PLPP3: variants seen among roughly 807,000 people sequenced by gnomAD.
The protein encoded by PLPP3 is phospholipid phosphatase 3.
Under a neutral mutation model 29.6 loss-of-function variants are expected in PLPP3, and 6 were observed. That is an observed-to-expected ratio of 0.20 (90% CI 0.11 to 0.40). The LOEUF (loss-of-function observed/expected upper bound fraction) is 0.40, where lower values mean the gene tolerates loss of function less well. Ranked by LOEUF, PLPP3 falls within the 10% of genes least tolerant of loss-of-function variation. PLPP3 has a pLI of 1.00. For missense variants in PLPP3, 308 were observed against 407.7 expected (o/e 0.76, Z 2.11); for synonymous variants, 152 against 159.7 (o/e 0.95, Z 0.36).
At chr1:56,557,011 AGAGAGAGAGAGAG>A (rs1557513518) in intron 1 of PLPP3, among the ~76,000 whole-genome samples, 22 of 15,968 alleles carry the variant, frequency 1.4e-3, no homozygotes, top group East Asian at 6.2e-3. Flanking sequence ...AGAAAGAAAG[AGAGAGAGAGAGAG>A]AAAGAGAGAG....
chr1:56,550,354 C>G (rs1214601548), intron 1 of PLPP3, among the ~76,000 whole-genome samples: 3 of 152,160 alleles, frequency 2.0e-5, no homozygotes, highest in Non-Finnish European at 4.4e-5. Flanking sequence ...CCAGAACTCT[C>G]CAGGAAGCCA....
intron 2 of PLPP3, among the ~76,000 whole-genome samples, chr1:56,536,445 GTTGA>G (rs1645927415): frequency 1.3e-5 from 2 of 152,254 alleles, no homozygotes; most frequent in South Asian, 2.1e-4. Flanking sequence ...AATTCAAGCT[GTTGA>G]TTGTGTGCCT....
chr1:56,519,860 C>T (rs1346171576), intron 4 of PLPP3, among the ~76,000 whole-genome samples: 1 of 151,854 alleles, frequency 6.6e-6, no homozygotes, highest in Non-Finnish European at 1.5e-5. Context: ...CCAAGCTCAT[C>T]ATTTGGCAAA....
At chr1:56,505,489 A>G (rs1190458692) in intron 5 of PLPP3, among the ~76,000 whole-genome samples, 1 of 152,160 alleles carries the variant, frequency 6.6e-6, no homozygotes, top group African/African-American at 2.4e-5. Flanking sequence ...ACTTAAACAC[A>G]AATTTTCTTC....
intron 1 of PLPP3, among the ~76,000 whole-genome samples, chr1:56,565,052 A>T (rs1646152239): frequency 6.6e-6 from 1 of 152,230 alleles, no homozygotes; most frequent in Admixed American, 6.5e-5. Flanking sequence ...GAAATAATGG[A>T]TTAAGCCATT....
At chr1:56,567,413 TTTGAGATG>T (rs1185233811) in intron 1 of PLPP3, among the ~76,000 whole-genome samples, 9 of 110,576 alleles carry the variant, frequency 8.1e-5, no homozygotes, top group Admixed American at 8.4e-5. Flanking sequence ...TTTTTTTTTT[TTTGAGATG>T]GAGTCTCGCT....
chr1:56,569,335 G>T (rs924265650), intron 1 of PLPP3, among the ~76,000 whole-genome samples: 1 of 151,872 alleles, frequency 6.6e-6, no homozygotes, highest in African/African-American at 2.4e-5. Flanking sequence ...ACCACACCTG[G>T]CTAATTTTTT....
At chr1:56,554,688 G>C (rs574884136) in intron 1 of PLPP3, among the ~76,000 whole-genome samples, 1 of 152,128 alleles carries the variant, frequency 6.6e-6, no homozygotes, top group Non-Finnish European at 1.5e-5. Flanking sequence ...AAGATGACTA[G>C]GGTAGCTCTT....
intron 1 of PLPP3, among the ~76,000 whole-genome samples, chr1:56,557,005 A>G (rs867319590): frequency 0.026 from 161 of 6,260 alleles, 6 homozygotes; most frequent in Middle Eastern, 0.15. Context: ...AAAGAAAGAA[A>G]GAAAGAGAGA....
chr1:56,518,408 G>A (rs1645796462), intron 4 of PLPP3, among the ~76,000 whole-genome samples: 3 of 151,710 alleles, frequency 2.0e-5, no homozygotes, highest in African/African-American at 7.3e-5. Flanking sequence ...AGTTCTCCTG[G>A]GACAGCACAG....
At chr1:56,569,001 T>C (rs1179140254) in intron 1 of PLPP3, among the ~76,000 whole-genome samples, 2 of 151,980 alleles carry the variant, frequency 1.3e-5, no homozygotes, top group African/African-American at 4.8e-5. Context: ...GCCACCCCAC[T>C]GGTCTTTAGC....
chr1:56,525,081 A>C (rs72664341), intron 2 of PLPP3, among the ~76,000 whole-genome samples: 12,036 of 152,126 alleles, frequency 0.079, 468 homozygotes, highest in Middle Eastern at 0.11. Flanking sequence ...AGTCCTGGGG[A>C]ATTCAGACTC....
chr1:56,500,415 T>C (rs1366339333), intron 5 of PLPP3, among the ~76,000 whole-genome samples: 1 of 152,178 alleles, frequency 6.6e-6, no homozygotes, highest in Admixed American at 6.5e-5. Flanking sequence ...AGGTTGTCTA[T>C]TTGATCTTAG....
chr1:56,574,581 G>A (rs1332093861), intron 1 of PLPP3, among the ~76,000 whole-genome samples: 2 of 152,044 alleles, frequency 1.3e-5, no homozygotes, highest in South Asian at 2.1e-4. Flanking sequence ...TTTAATCTAC[G>A]AAGGATGGTT....
intron 2 of PLPP3, 47 bp downstream of exon 2, chr1:56,536,908 A>C: frequency 6.2e-7 from 1 of 1,601,954 alleles, no homozygotes; most frequent in Non-Finnish European, 8.5e-7. Context: ...ATGACAATAC[A>C]GGAAGAAGTC....
chr1:56,502,725 G>A (rs1053779616), intron 5 of PLPP3, among the ~76,000 whole-genome samples: 5 of 152,276 alleles, frequency 3.3e-5, no homozygotes, highest in South Asian at 2.1e-4. Flanking sequence ...GTGTTAGGCC[G>A]TAGGCTTTGA....
At chr1:56,523,774 G>C (rs1645834622) in intron 4 of PLPP3, 49 bp downstream of exon 4, 2 of 1,558,228 alleles carry the variant, frequency 1.3e-6, no homozygotes, top group Non-Finnish European at 8.9e-7. Flanking sequence ...TATCAGAAGG[G>C]ATCGAAGCTG....
At position 56,496,347 on chromosome 1, in the gene PLPP3, T is replaced by G. The variant is rs1051823330; in HGVS notation, c.*204A>C. ...AATTGCACATCCAGGACTCTGGCAC[T>G]TGGTGTTAGTTTGCTGTTGTTTCCA... On this transcript the variant is annotated 3_prime_UTR_variant, in exon 6 of 6. Coordinates refer to ENST00000371250, the MANE Select transcript of PLPP3 (RefSeq NM_003713.5). The G allele has an allele frequency of 3.9e-6, 2 of 513,118 alleles. No homozygotes were observed. The highest frequency in any genetic ancestry group is 1.9e-5 in the African/African-American group (1 of 51,648). The allele number at this position is 513,118 out of a possible 1,614,324, so 31.8% of individuals were successfully genotyped here.
Position 56,504,729 on chromosome 1 carries a change from T to A in PLPP3, c.810+7247A>T, listed in dbSNP as rs1299615746. Among the ~76,000 whole-genome samples the A allele has an allele frequency of 2.6e-5, 4 of 152,206 alleles. No individual in the cohort carries two copies. In the East Asian group the frequency reaches 7.7e-4, roughly 29 times the overall value. On this transcript the variant is annotated intron_variant, in intron 5 of 5. Transcript: ENST00000371250. ...TTTGTATCTTACAGCAAATGACCAT[T>A]CATTTTTAAATAATTACCTACTCTA...
Sources: allele counts gnomAD v4.1 joint callset (sites outside exome capture counted in the v4.1 genomes callset), GRCh38; gene constraint gnomAD v4.1.1; transcripts MANE v1.5; gene names NCBI Gene and HGNC (gene_info 2026-07-23, HGNC 2026-07-21).